The following APP variants were observed in gnomAD, a reference collection of about 807,000 sequenced individuals.
The protein encoded by APP is amyloid-beta precursor protein.
A neutral mutation model predicts 101.4 loss-of-function variants in APP; 31 were observed. The ratio of observed to expected loss-of-function variants is 0.31; its 90% CI spans 0.23 to 0.41. The LOEUF (loss-of-function observed/expected upper bound fraction) is 0.41, where lower values mean the gene tolerates loss of function less well. Among genes scored for constraint, APP ranks in the 10% least tolerant of loss-of-function variants. APP has a pLI of 1.00. For missense variants in APP, 839 were observed against 1,003.7 expected (o/e 0.84, Z 2.22); for synonymous variants, 366 against 364.4 (o/e 1.00, Z -0.05).
chr21:26,039,713 C>T (rs2045286117), intron 5 of APP, among the ~76,000 whole-genome samples: 1 of 152,270 alleles, frequency 6.6e-6, no homozygotes, highest in African/African-American at 2.4e-5. Flanking sequence ...TCTGACAACA[C>T]AATCAGATGA....
chr21:25,900,378 C>CAAAAAAAAAAA (rs60231150), intron 15 of APP, among the ~76,000 whole-genome samples: 9 of 59,456 alleles, frequency 1.5e-4, no homozygotes, highest in Admixed American at 2.4e-4. Context: ...ACTAAAAATA[C>CAAAAAAAAAAA]AAAAAAAAAA....
At chr21:26,053,401 T>A in intron 3 of APP, 53 bp from the exon 4 acceptor site, 1 of 1,291,130 alleles carries the variant, frequency 7.7e-7, no homozygotes, top group South Asian at 1.2e-5. Context: ...ACAGTGTTCT[T>A]ACCGCAGAAG....
At chr21:26,170,517 G>C in intron 1 of APP, 47 bp downstream of exon 1, 1 of 1,527,878 alleles carries the variant, frequency 6.5e-7, no homozygotes, top group South Asian at 1.2e-5. Context: ...GGGGTATCGC[G>C]TCCCCACCGT....
At chr21:26,062,431 G>A (rs1390274391) in intron 3 of APP, among the ~76,000 whole-genome samples, 1 of 152,026 alleles carries the variant, frequency 6.6e-6, no homozygotes, top group Non-Finnish European at 1.5e-5. Flanking sequence ...GGGAGGCCGA[G>A]GCAAGTGGAT....
intron 8 of APP, among the ~76,000 whole-genome samples, chr21:25,986,952 A>G (rs1278799333): frequency 6.6e-6 from 1 of 152,220 alleles, no homozygotes; most frequent in Non-Finnish European, 1.5e-5. Context: ...AAACACACAC[A>G]AATAAAGTCT....
chr21:25,975,223 G>C lies in APP; in HGVS notation c.1305C>G (p.Phe435Leu). The C allele has an allele frequency of 6.2e-7, 1 of 1,614,096 alleles. No individual in the cohort carries two copies. The highest frequency in any genetic ancestry group is 1.1e-5 in the South Asian group (1 of 91,074). The change falls in exon 11 of 18, where the codon TTC (phenylalanine) becomes TTG (leucine). Residue 435 changes from phenylalanine to leucine, a missense_variant. Coordinates refer to ENST00000346798, the MANE Select transcript of APP (RefSeq NM_000484.4). ...KADKKAVIQH[F>L]QEKVESLEQE... is the part of the protein sequence containing the mutation. ...GTTCCAAAGATTCCACTTTCTCCTGGAAATGCTGCCATCATAAACACATAT... is the reference window on the plus strand; with the variant it reads ...GTTCCAAAGATTCCACTTTCTCCTGCAAATGCTGCCATCATAAACACATAT...
intron 11 of APP, among the ~76,000 whole-genome samples, chr21:25,967,729 G>A (rs1341835746): frequency 1.3e-5 from 2 of 152,198 alleles, no homozygotes; most frequent in Non-Finnish European, 2.9e-5. Flanking sequence ...AAGGGGAAAG[G>A]CTCAGACAGC....
Position 25,971,314 on chromosome 21 carries a change from G to C in APP, c.1458+3756C>G, listed in dbSNP as rs567972084. On this transcript the variant is annotated intron_variant, in intron 11 of 17. Coordinates refer to ENST00000346798, the MANE Select transcript of APP (RefSeq NM_000484.4). ...GCCCGCCTTGGCCTCCCAAAGTGCT[G>C]GGATTACAGGCGTGAGCCACCACAC... is the stretch of plus-strand genomic sequence containing the variant. Among the ~76,000 whole-genome samples, 165 of 152,342 alleles carry C rather than the reference G, an allele frequency of 1.1e-3. No individual in the cohort carries two copies. The Middle Eastern group carries it at 0.027, about 25-fold the overall frequency.
In APP at chr21:26,105,067, T is replaced by TA. The variant is rs2062150622; in HGVS notation, c.225+6911_225+6912insT. On this transcript the variant is annotated intron_variant, in intron 2 of 17. Coordinates refer to ENST00000346798, the MANE Select transcript of APP (RefSeq NM_000484.4). ...AACTAATGGTTTCCACGCATTTTTTTCAAAAAAAAAAAAAAAAAAAAAGAA... is the reference window on the plus strand; with the variant it reads ...AACTAATGGTTTCCACGCATTTTTTTACAAAAAAAAAAAAAAAAAAAAAGAA... 4.2e-3 allele frequency among the ~76,000 whole-genome samples: 326 copies of TA among 76,798 alleles called. 1 individual carries two copies. Among genetic ancestry groups the TA allele is most frequent in the African/African-American group, 0.015 (295 of 19,130 alleles). 50.4% of individuals were successfully genotyped at this position (76,798 alleles called of 152,430 possible). A position where few individuals can be genotyped will look rare whatever the true frequency, so the allele number is the denominator to read the frequency against.
At chr21:25,887,813 G>A (rs954319120) in intron 17 of APP, among the ~76,000 whole-genome samples, 2 of 152,176 alleles carry the variant, frequency 1.3e-5, no homozygotes, top group Non-Finnish European at 2.9e-5. Context: ...CAGGTGTGTA[G>A]CAGGCTATAC....
chr21:26,013,365 T>A (rs142786360), intron 6 of APP, among the ~76,000 whole-genome samples: 2 of 152,190 alleles, frequency 1.3e-5, no homozygotes, highest in Non-Finnish European at 2.9e-5. Flanking sequence ...TGTATGCATG[T>A]TTAAATGAAC....
At chr21:26,164,318 A>G (rs2063561174) in intron 1 of APP, among the ~76,000 whole-genome samples, 1 of 152,236 alleles carries the variant, frequency 6.6e-6, no homozygotes, top group African/African-American at 2.4e-5. Flanking sequence ...TTCTCAAGCA[A>G]TCTGCTTTTT....
chr21:26,054,887 A>G (rs950790330), intron 3 of APP, among the ~76,000 whole-genome samples: 3 of 152,162 alleles, frequency 2.0e-5, no homozygotes, highest in Non-Finnish European at 2.9e-5. Flanking sequence ...GAGGGATTAA[A>G]AGCCCTAAGA....
intron 2 of APP, among the ~76,000 whole-genome samples, chr21:26,108,932 G>A (rs1989083474): frequency 6.6e-6 from 1 of 151,988 alleles, no homozygotes; most frequent in Non-Finnish European, 1.5e-5. Context: ...AAAAAATAAA[G>A]TCTAGTGACT....
chr21:25,897,372 C>T (rs1451568668), intron 16 of APP, among the ~76,000 whole-genome samples: 1 of 152,194 alleles, frequency 6.6e-6, no homozygotes. Flanking sequence ...CCTTGGCCTC[C>T]CAAAGTGCTG....
intron 5 of APP, 61 bp from the exon 6 acceptor site, chr21:26,022,103 G>T: frequency 6.3e-7 from 1 of 1,584,114 alleles, no homozygotes; most frequent in South Asian, 1.1e-5. Context: ...GGAAGGAAAA[G>T]AAAAGTCGTC....
chr21:26,096,099 C>G (rs879422366), intron 2 of APP, among the ~76,000 whole-genome samples: 36 of 152,220 alleles, frequency 2.4e-4, no homozygotes, highest in African/African-American at 8.0e-4. Flanking sequence ...CAAACACACT[C>G]TTACCTAAGA....
chr21:26,076,801 C>T (rs1601400717), intron 3 of APP, among the ~76,000 whole-genome samples: 1 of 152,120 alleles, frequency 6.6e-6, no homozygotes, highest in Non-Finnish European at 1.5e-5. Flanking sequence ...CAGTGGCTCA[C>T]GCCTGTAATC....
intron 3 of APP, among the ~76,000 whole-genome samples, chr21:26,056,128 C>T (rs1228371497): frequency 6.6e-6 from 1 of 152,186 alleles, no homozygotes; most frequent in Non-Finnish European, 1.5e-5. Flanking sequence ...GCTTCGACCT[C>T]CGGGGGTCAT....
Sources: gnomAD v4.1 joint callset for allele counts (sites outside exome capture counted in the v4.1 genomes callset) on GRCh38, gnomAD v4.1.1 for gene constraint, MANE v1.5 for transcripts, NCBI Gene and HGNC (gene_info 2026-07-23, HGNC 2026-07-21) for gene names.